PATJ: variants seen among roughly 807,000 people sequenced by gnomAD.
PATJ encodes the protein inaD-like protein.
Under a neutral mutation model 224.9 loss-of-function variants are expected in PATJ, and 190 were observed. The ratio of observed to expected loss-of-function variants is 0.84; its 90% CI spans 0.75 to 0.95. The LOEUF is 0.95. Ranked by LOEUF, PATJ falls within the 40% of genes least tolerant of loss-of-function variation. PATJ has a pLI of 0.00. For synonymous variants in PATJ, 769 were observed against 820.3 expected (o/e 0.94, Z 1.07); for missense variants, 2,121 against 2,270.3 (o/e 0.93, Z 1.34).
intron 34 of PATJ, among the ~76,000 whole-genome samples, chr1:62,109,495 GGATTA>G (rs1297323525): frequency 1.3e-5 from 2 of 152,092 alleles, no homozygotes; most frequent in African/African-American, 4.8e-5. Flanking sequence ...TTTCATCATT[GGATTA>G]AGACATATTC....
chr1:61,871,853 C>G lies in PATJ; in HGVS notation c.2836-3390C>G, dbSNP rs1054071069. Reference sequence around the variant, plus strand: ...TGCTGGGATTACAGGCGTGAGCCACCACGTCTGGCTTTTTTTTTTTTTTTG... The same window carrying G: ...TGCTGGGATTACAGGCGTGAGCCACGACGTCTGGCTTTTTTTTTTTTTTTG... On this transcript the variant is annotated intron_variant, in intron 20 of 43. Transcript: ENST00000642238. Among the ~76,000 whole-genome samples, 7 of 147,364 alleles carry G rather than the reference C, an allele frequency of 4.8e-5. 1 individual carries two copies. Among genetic ancestry groups the G allele is most frequent in the African/African-American group, 1.7e-4 (7 of 40,348 alleles).
intron 37 of PATJ, chr1:62,117,497 G>A (rs1664569272): frequency 2.2e-6 from 2 of 924,708 alleles, no homozygotes; most frequent in African/African-American, 1.8e-5. Context: ...GTACACAGCT[G>A]TGTTTATTTA....
At chr1:61,895,461 G>C (rs2482859) in intron 22 of PATJ, among the ~76,000 whole-genome samples, 129,531 of 152,272 alleles carry the variant, frequency 0.85, 55,204 homozygotes, top group East Asian at 1. Context: ...TGCATTCCAG[G>C]TGTTCCAGCT....
chr1:61,880,646 G>T (rs1242987059), intron 21 of PATJ, among the ~76,000 whole-genome samples: 1 of 152,084 alleles, frequency 6.6e-6, no homozygotes, highest in Non-Finnish European at 1.5e-5. Context: ...TTATCATTTG[G>T]ATAAAAGCTA....
At chr1:62,117,987 A>G (rs1664636403) in intron 37 of PATJ, among the ~76,000 whole-genome samples, 1 of 152,056 alleles carries the variant, frequency 6.6e-6, no homozygotes, top group Non-Finnish European at 1.5e-5. Flanking sequence ...AGCCTCTCCA[A>G]GGCCTTTGTT....
chr1:62,060,222 C>T (rs902094678), intron 31 of PATJ, among the ~76,000 whole-genome samples: 3 of 152,132 alleles, frequency 2.0e-5, no homozygotes, highest in East Asian at 1.9e-4. Flanking sequence ...TTAATACTGT[C>T]GTCATCTCCA....
At chr1:61,989,158 C>T (rs1368860222) in intron 27 of PATJ, among the ~76,000 whole-genome samples, 1 of 152,116 alleles carries the variant, frequency 6.6e-6, no homozygotes, top group African/African-American at 2.4e-5. Flanking sequence ...CCAGCCATCT[C>T]CTAAAACAGG....
chr1:61,771,703 G>T, intron 6 of PATJ, 77 bp downstream of exon 6: 3 of 1,076,210 alleles, frequency 2.8e-6, no homozygotes, highest in East Asian at 3.0e-5. Context: ...CATTTAGAAG[G>T]TGTCATTTTA....
At chr1:62,152,435 T>C (rs1432923419) in intron 42 of PATJ, among the ~76,000 whole-genome samples, 2 of 151,868 alleles carry the variant, frequency 1.3e-5, no homozygotes, top group Non-Finnish European at 2.9e-5. Context: ...GTGGATCACC[T>C]GAGGTCAGGA....
At chr1:61,997,798 T>A (rs187150775) in intron 28 of PATJ, among the ~76,000 whole-genome samples, 1 of 120,324 alleles carries the variant, frequency 8.3e-6, no homozygotes, top group Admixed American at 8.3e-5. Flanking sequence ...TTGTTTTGTT[T>A]TGTTTTGTTT....
At chr1:61,889,491 C>T (rs1233382140) in intron 22 of PATJ, among the ~76,000 whole-genome samples, 1 of 152,170 alleles carries the variant, frequency 6.6e-6, no homozygotes, top group African/African-American at 2.4e-5. Flanking sequence ...AAACCACAGA[C>T]AGTACCAAGC....
intron 4 of PATJ, among the ~76,000 whole-genome samples, chr1:61,767,001 G>A (rs1646319640): frequency 6.6e-6 from 1 of 152,150 alleles, no homozygotes; most frequent in South Asian, 2.1e-4. Context: ...GCTGAGGCAG[G>A]AGAATCGCTT....
intron 1 of PATJ, among the ~76,000 whole-genome samples, chr1:61,758,304 G>A (rs895757841): frequency 6.6e-6 from 1 of 152,142 alleles, no homozygotes; most frequent in Non-Finnish European, 1.5e-5. Context: ...TGACTGATAT[G>A]AAGTCACTTC....
chr1:62,093,238 TAAAG>T (rs1661003095), intron 33 of PATJ, among the ~76,000 whole-genome samples: 1 of 152,190 alleles, frequency 6.6e-6, no homozygotes. Context: ...GAAATTGAAA[TAAAG>T]AATACCTGTT....
intron 27 of PATJ, among the ~76,000 whole-genome samples, chr1:61,946,845 A>G (rs1312035535): frequency 2.0e-5 from 3 of 152,254 alleles, no homozygotes; most frequent in African/African-American, 7.2e-5. Flanking sequence ...CGAATCCAGC[A>G]GCACATCAAA....
chr1:61,906,614 C>T (rs1323817551), intron 24 of PATJ, among the ~76,000 whole-genome samples: 4 of 152,238 alleles, frequency 2.6e-5, no homozygotes, highest in Non-Finnish European at 5.9e-5. Flanking sequence ...CCTCAGCCTG[C>T]TCAAGTTCAG....
intron 27 of PATJ, among the ~76,000 whole-genome samples, chr1:61,945,079 C>G (rs1345289445): frequency 6.6e-6 from 1 of 152,152 alleles, no homozygotes; most frequent in Non-Finnish European, 1.5e-5. Context: ...GAAGGAAGCA[C>G]TAAACATGGA....
In PATJ at chr1:61,996,648, A is replaced by G. The variant is rs185868432; in HGVS notation, c.3867+6284A>G. Among the ~76,000 whole-genome samples, 159 of 152,268 alleles carry G rather than the reference A, an allele frequency of 1.0e-3. No individual in the cohort carries two copies. The Middle Eastern group carries it at 0.014, about 13-fold the overall frequency. On this transcript the variant is annotated intron_variant, in intron 28 of 43. Transcript: ENST00000642238. ...CCATTATAGAAACAGTAGTTTGAGG[A>G]ACAGGAAGAAGAACAAAGAATTAAA...
chr1:61,945,140 C>T (rs2149358966), intron 27 of PATJ, among the ~76,000 whole-genome samples: 1 of 152,260 alleles, frequency 6.6e-6, no homozygotes, highest in South Asian at 2.1e-4. Flanking sequence ...TTGTAAAGAC[C>T]ACTGATGCTA....
Sources: allele counts gnomAD v4.1 joint callset (sites outside exome capture counted in the v4.1 genomes callset), GRCh38; gene constraint gnomAD v4.1.1; transcripts MANE v1.5; gene names NCBI Gene and HGNC (gene_info 2026-07-23, HGNC 2026-07-21).